ZBTB20: variants seen among roughly 807,000 people sequenced by gnomAD.
The protein encoded by ZBTB20 is zinc finger and BTB domain containing 20.
Under a neutral mutation model 56.9 loss-of-function variants are expected in ZBTB20, and 9 were observed. The observed-to-expected ratio is 0.16, with a 90% CI of 0.10 to 0.28. The LOEUF (loss-of-function observed/expected upper bound fraction) is 0.28. ZBTB20 is among the 10% of genes least tolerant of loss of function. ZBTB20 has a pLI of 1.00. For missense variants in ZBTB20, 655 were observed against 1,003.0 expected (o/e 0.65, Z 4.69); for synonymous variants, 417 against 420.7 (o/e 0.99, Z 0.11).
At chr3:114,489,696 A>G (rs903517767) in intron 7 of ZBTB20, among the ~76,000 whole-genome samples, 14 of 152,174 alleles carry the variant, frequency 9.2e-5, no homozygotes, top group African/African-American at 2.4e-4. Context: ...ATATTTCACA[A>G]TAAGTGTGAA....
intron 6 of ZBTB20, among the ~76,000 whole-genome samples, chr3:114,603,893 G>T (rs548697970): frequency 6.6e-6 from 1 of 151,948 alleles, no homozygotes; most frequent in Non-Finnish European, 1.5e-5. Flanking sequence ...GCTTAACCAA[G>T]CACTATTTTA....
In ZBTB20 at chr3:114,356,471, A is replaced by AT. The variant is rs1481231154; in HGVS notation, c.200-4594dup. Among the ~76,000 whole-genome samples, 3 of 152,144 alleles carry AT rather than the reference A, an allele frequency of 2.0e-5. No homozygotes were observed. In the East Asian group the frequency reaches 5.8e-4, roughly 29 times the overall value. On this transcript the variant is annotated intron_variant, in intron 10 of 11. Transcript: ENST00000675478. ...CAAGGGTAAGATGCTACAGAGGGGGATGGGGATTTGAAGTCTCTGGACTTG... is the reference window on the plus strand; with the variant it reads ...CAAGGGTAAGATGCTACAGAGGGGGATTGGGGATTTGAAGTCTCTGGACTTG...
chr3:114,322,027 A>G lies in ZBTB20; in HGVS notation c.*16978T>C, dbSNP rs1359388682. 1 of 152,250 alleles carries G rather than the reference A, an allele frequency of 6.6e-6. No homozygotes were observed. The allele number at this position is 152,250 out of a possible 1,614,324, so 9.4% of individuals were successfully genotyped here. A position where few individuals can be genotyped will look rare whatever the true frequency, so the allele number is the denominator to read the frequency against. ...CGTTTCAACCACTCCAGAAATCACA[A>G]CAAAATCCAGACTGTGGCTTTTTCA... On this transcript the variant is annotated 3_prime_UTR_variant, in exon 12 of 12. Transcript: ENST00000675478.
chr3:114,532,846 C>T (rs1402637777), intron 6 of ZBTB20, among the ~76,000 whole-genome samples: 2 of 152,166 alleles, frequency 1.3e-5, no homozygotes, highest in South Asian at 4.1e-4. Flanking sequence ...CCCAGGCAAA[C>T]AGGGTCTGGA....
chr3:114,517,106 G>A (rs950460333), intron 6 of ZBTB20, among the ~76,000 whole-genome samples: 9 of 152,150 alleles, frequency 5.9e-5, no homozygotes, highest in Non-Finnish European at 1.0e-4. Flanking sequence ...ACTTCATCAC[G>A]TTACTGCATT....
intron 7 of ZBTB20, among the ~76,000 whole-genome samples, chr3:114,417,316 C>T (rs2088667443): frequency 6.6e-6 from 1 of 152,070 alleles, no homozygotes; most frequent in Admixed American, 6.6e-5. Flanking sequence ...ACAGAAAACA[C>T]TCATGTGGAC....
At chr3:115,058,418 G>A (rs1273172097) in intron 2 of ZBTB20, among the ~76,000 whole-genome samples, 2 of 151,744 alleles carry the variant, frequency 1.3e-5, no homozygotes, top group Admixed American at 1.3e-4. Flanking sequence ...TGTAAATACA[G>A]TTTTAGTCAA....
chr3:114,544,425 CTT>C (rs1333127801), intron 6 of ZBTB20, among the ~76,000 whole-genome samples: 1 of 61,366 alleles, frequency 1.6e-5, no homozygotes, highest in Non-Finnish European at 3.0e-5. Context: ...TTCTTTCTTT[CTT>C]TCTTTCTTTC....
At chr3:114,915,684 T>C (rs548369527) in intron 3 of ZBTB20, among the ~76,000 whole-genome samples, 10 of 152,142 alleles carry the variant, frequency 6.6e-5, no homozygotes, top group African/African-American at 2.4e-4. Flanking sequence ...GGTTTTTTTA[T>C]TGAAAGTTTT....
chr3:114,951,312 G>A (rs929772816), intron 3 of ZBTB20, among the ~76,000 whole-genome samples: 1 of 151,796 alleles, frequency 6.6e-6, no homozygotes, highest in African/African-American at 2.4e-5. Context: ...GTGCATATGA[G>A]GTAAATAAAG....
intron 6 of ZBTB20, among the ~76,000 whole-genome samples, chr3:114,681,742 G>A (rs1261013103): frequency 6.6e-6 from 1 of 152,140 alleles, no homozygotes; most frequent in Non-Finnish European, 1.5e-5. Flanking sequence ...TTTTGGAAGT[G>A]AGTGCTATTA....
At chr3:114,926,118 C>T (rs2076148437) in intron 3 of ZBTB20, among the ~76,000 whole-genome samples, 1 of 152,176 alleles carries the variant, frequency 6.6e-6, no homozygotes, top group African/African-American at 2.4e-5. Flanking sequence ...TGTTTTTCCT[C>T]ATTCTCTGAC....
chr3:114,778,790 A>G (rs2069834372), intron 5 of ZBTB20, among the ~76,000 whole-genome samples: 1 of 152,182 alleles, frequency 6.6e-6, no homozygotes, highest in Admixed American at 6.5e-5. Context: ...AGATGGACAG[A>G]GTCATTTATT....
intron 2 of ZBTB20, among the ~76,000 whole-genome samples, chr3:114,988,693 T>C (rs566524184): frequency 2.0e-5 from 3 of 152,318 alleles, no homozygotes; most frequent in East Asian, 1.9e-4. Context: ...TCCACAATGG[T>C]TGAACTAGTT....
intron 3 of ZBTB20, among the ~76,000 whole-genome samples, chr3:114,929,232 G>T (rs1029182419): frequency 1.1e-4 from 16 of 152,164 alleles, no homozygotes; most frequent in African/African-American, 3.4e-4. Context: ...TGCTATCCAG[G>T]GAAGAAAAGA....
intron 5 of ZBTB20, among the ~76,000 whole-genome samples, chr3:114,724,285 A>G (rs1452772346): frequency 6.6e-6 from 1 of 152,162 alleles, no homozygotes; most frequent in East Asian, 1.9e-4. Flanking sequence ...ATTGAAGGTG[A>G]TGGTTTACTG....
intron 6 of ZBTB20, chr3:114,687,208 T>G (rs2062394113): frequency 7.2e-6 from 1 of 138,206 alleles, no homozygotes; most frequent in Non-Finnish European, 1.6e-5. Flanking sequence ...AGCTGAAATG[T>G]TTTTTTTTTT....
chr3:114,937,413 C>A (rs2076573278), intron 3 of ZBTB20, among the ~76,000 whole-genome samples: 1 of 151,058 alleles, frequency 6.6e-6, no homozygotes, highest in South Asian at 2.1e-4. Flanking sequence ...ACATAAATGT[C>A]TTCTTCTTCT....
chr3:114,695,417 C>T (rs963727350), intron 5 of ZBTB20, among the ~76,000 whole-genome samples: 4 of 151,946 alleles, frequency 2.6e-5, no homozygotes, highest in African/African-American at 4.8e-5. Flanking sequence ...TGGCACACAT[C>T]GAGATTTGAA....
Sources: allele counts gnomAD v4.1 joint callset (sites outside exome capture counted in the v4.1 genomes callset), GRCh38; gene constraint gnomAD v4.1.1; transcripts MANE v1.5; gene names NCBI Gene and HGNC (gene_info 2026-07-23, HGNC 2026-07-21).